UNC5D: variants seen among roughly 807,000 people sequenced by gnomAD.
The protein encoded by UNC5D is netrin receptor UNC5D.
Under a neutral mutation model 105.4 loss-of-function variants are expected in UNC5D, and 39 were observed. The observed-to-expected ratio is 0.37, with a 90% CI of 0.29 to 0.48. The LOEUF (loss-of-function observed/expected upper bound fraction) is 0.48, where lower values mean the gene tolerates loss of function less well. Among genes scored for constraint, UNC5D ranks in the 20% least tolerant of loss-of-function variants. The pLI, the probability that UNC5D is intolerant of heterozygous loss-of-function variation, is 0.98. For synonymous variants in UNC5D, 452 were observed against 450.4 expected, an observed-to-expected ratio of 1.00 and a Z score of -0.04; for missense variants, 991 against 1,202.4, an observed-to-expected ratio of 0.82 and a Z score of 2.60.
chr8:35,525,776 G>T, intron 1 of UNC5D: 1 of 1,525,932 alleles, frequency 6.6e-7, no homozygotes, highest in Non-Finnish European at 8.8e-7. Context: ...TGGGAGTGCC[G>T]TAATGTGCTC....
chr8:35,628,335 C>G, intron 4 of UNC5D, among the ~76,000 whole-genome samples: 1 of 152,014 alleles, frequency 6.6e-6, no homozygotes, highest in East Asian at 1.9e-4. Context: ...GGTTTCACCA[C>G]GTTGGCCAGG....
At chr8:35,482,836 C>G (rs550487992) in intron 1 of UNC5D, among the ~76,000 whole-genome samples, 62 of 104,800 alleles carry the variant, frequency 5.9e-4, no homozygotes, top group African/African-American at 2.3e-3. Context: ...AAGTCTTGCT[C>G]TCGTCCCCCA....
At position 35,724,113 on chromosome 8, in the gene UNC5D, G is replaced by A. The variant is rs550483715; in HGVS notation, c.1303+1718G>A. The A allele has an allele frequency of 7.7e-5, 108 of 1,396,752 alleles. No individual in the cohort carries two copies. The East Asian group carries it at 1.5e-3, about 19-fold the overall frequency. The allele number at this position is 1,396,752 out of a possible 1,614,324, so 86.5% of individuals were successfully genotyped here. ...GAGCACCAGGCAGCAGGTGAGAAGG[G>A]TGGATCCCTGGCCTACACCTGTCTG... On this transcript the variant is annotated intron_variant, in intron 9 of 16. Coordinates refer to ENST00000404895, the MANE Select transcript of UNC5D (RefSeq NM_080872.4).
intron 1 of UNC5D, among the ~76,000 whole-genome samples, chr8:35,301,335 A>C (rs1340339332): frequency 6.6e-6 from 1 of 152,232 alleles, no homozygotes; most frequent in African/African-American, 2.4e-5. Flanking sequence ...TATAGGGTAA[A>C]TTAATATCTA....
chr8:35,388,823 G>A (rs556912189), intron 1 of UNC5D, among the ~76,000 whole-genome samples: 1 of 152,274 alleles, frequency 6.6e-6, no homozygotes, highest in South Asian at 2.1e-4. Context: ...AAGAAGGACT[G>A]ATTTGTTCCA....
chr8:35,670,501 A>G (rs896674011), intron 4 of UNC5D, among the ~76,000 whole-genome samples: 8 of 152,186 alleles, frequency 5.3e-5, no homozygotes, highest in Non-Finnish European at 8.8e-5. Flanking sequence ...AATGTGGTGC[A>G]TATATACCAT....
chr8:35,778,593 T>C (rs1366859422), intron 16 of UNC5D, among the ~76,000 whole-genome samples: 1 of 152,190 alleles, frequency 6.6e-6, no homozygotes, highest in East Asian at 1.9e-4. Context: ...ACAGAGTGCA[T>C]AGTCATTCTA....
chr8:35,369,765 C>T (rs1802323263), intron 1 of UNC5D, among the ~76,000 whole-genome samples: 1 of 152,164 alleles, frequency 6.6e-6, no homozygotes, highest in Admixed American at 6.6e-5. Context: ...CCCCTGAGAA[C>T]AGGCTATAAA....
chr8:35,761,672 C>A (rs1801540551), intron 14 of UNC5D, among the ~76,000 whole-genome samples: 1 of 152,200 alleles, frequency 6.6e-6, no homozygotes, highest in Non-Finnish European at 1.5e-5. Flanking sequence ...TTCATTTCCA[C>A]TTCATTTTTC....
chr8:35,749,859 G>A (rs1029221168), intron 12 of UNC5D, among the ~76,000 whole-genome samples: 1 of 152,038 alleles, frequency 6.6e-6, no homozygotes, highest in African/African-American at 2.4e-5. Context: ...ACATATTCTA[G>A]TACATCTTAT....
At chr8:35,665,838 A>G (rs1824385951) in intron 4 of UNC5D, among the ~76,000 whole-genome samples, 1 of 151,952 alleles carries the variant, frequency 6.6e-6, no homozygotes, top group Non-Finnish European at 1.5e-5. Context: ...ACTGCTTTTA[A>G]CCCTATATTT....
intron 1 of UNC5D, among the ~76,000 whole-genome samples, chr8:35,362,567 G>A (rs1035606976): frequency 1.3e-5 from 2 of 152,106 alleles, no homozygotes; most frequent in African/African-American, 2.4e-5. Flanking sequence ...AGGCTCTAAG[G>A]TATAGATGAT....
chr8:35,704,722 G>T (rs1827436242), intron 7 of UNC5D, among the ~76,000 whole-genome samples: 1 of 152,132 alleles, frequency 6.6e-6, no homozygotes, highest in African/African-American at 2.4e-5. Flanking sequence ...AGTCACCTTG[G>T]GTTCCTGCAT....
chr8:35,602,708 T>C (rs866491152), intron 4 of UNC5D, among the ~76,000 whole-genome samples: 1 of 152,310 alleles, frequency 6.6e-6, no homozygotes, highest in Middle Eastern at 3.4e-3. Context: ...TTATTAGTCT[T>C]GCTAGCAGTC....
At chr8:35,573,175 GT>G (rs1817866114) in intron 3 of UNC5D, among the ~76,000 whole-genome samples, 1 of 152,180 alleles carries the variant, frequency 6.6e-6, no homozygotes, top group African/African-American at 2.4e-5. Flanking sequence ...CATACTTTTA[GT>G]AACAAGACCC....
intron 1 of UNC5D, among the ~76,000 whole-genome samples, chr8:35,452,287 CAG>C (rs1307401595): frequency 1.3e-5 from 2 of 151,986 alleles, no homozygotes; most frequent in East Asian, 1.9e-4. Flanking sequence ...TTTTTTGAGA[CAG>C]AGTCTCACTC....
At chr8:35,328,915 C>T (rs1810387266) in intron 1 of UNC5D, among the ~76,000 whole-genome samples, 1 of 152,032 alleles carries the variant, frequency 6.6e-6, no homozygotes, top group African/African-American at 2.4e-5. Context: ...TGTGATGTGT[C>T]TTTTTCTCCT....
At chr8:35,664,965 C>G (rs557789122) in intron 4 of UNC5D, among the ~76,000 whole-genome samples, 12 of 152,236 alleles carry the variant, frequency 7.9e-5, no homozygotes, top group African/African-American at 2.6e-4. Context: ...TCCCAAATAG[C>G]TGGGACTGCA....
At chr8:35,408,312 CTTTT>C (rs978492858) in intron 1 of UNC5D, among the ~76,000 whole-genome samples, 3 of 151,528 alleles carry the variant, frequency 2.0e-5, no homozygotes, top group South Asian at 2.1e-4. Context: ...TCTTTTCTTT[CTTTT>C]TTATTTATTT....
Sources: gnomAD v4.1 joint callset for allele counts (sites outside exome capture counted in the v4.1 genomes callset) on GRCh38, gnomAD v4.1.1 for gene constraint, MANE v1.5 for transcripts, NCBI Gene and HGNC (gene_info 2026-07-23, HGNC 2026-07-21) for gene names.